The following RHOT1 variants were observed in gnomAD, a reference collection of about 807,000 sequenced individuals.
RHOT1 encodes ras homolog family member T1, also known as mitochondrial Rho GTPase 1.
In RHOT1, 27 loss-of-function variants were observed where a neutral mutation model predicts 95.3. The ratio of observed to expected loss-of-function variants is 0.28; its 90% confidence interval spans 0.21 to 0.39. The LOEUF (loss-of-function observed/expected upper bound fraction) is 0.39, where lower values mean the gene tolerates loss of function less well. Among genes scored for constraint, RHOT1 ranks in the 10% least tolerant of loss-of-function variants. The pLI is 1.00. For missense variants in RHOT1, 578 were observed against 786.7 expected, an observed-to-expected ratio of 0.73 and a Z score of 3.17; for synonymous variants, 227 against 263.5, an observed-to-expected ratio of 0.86 and a Z score of 1.34.
At chr17:32,175,785 C>T (rs2034956129) in intron 4 of RHOT1, among the ~76,000 whole-genome samples, 177 bp from the exon 5 acceptor site, 1 of 152,084 alleles carries the variant, frequency 6.6e-6, no homozygotes, top group Non-Finnish European at 1.5e-5. Context: ...TGTGTTTTTG[C>T]TTTAAGTCCT....
At chr17:32,210,587 C>T (rs1465019958) in intron 18 of RHOT1, among the ~76,000 whole-genome samples, 2 of 152,162 alleles carry the variant, frequency 1.3e-5, no homozygotes. Context: ...GAATTAAAGA[C>T]GTTGTTGTTC....
chr17:32,222,529 A>C (rs893483935), intron 19 of RHOT1, among the ~76,000 whole-genome samples: 1 of 151,878 alleles, frequency 6.6e-6, no homozygotes, highest in African/African-American at 2.4e-5. Context: ...CCTTGTCTGG[A>C]GTGGGTGTGT....
intron 1 of RHOT1, among the ~76,000 whole-genome samples, chr17:32,156,847 G>A (rs1168687961): frequency 6.6e-6 from 1 of 152,234 alleles, no homozygotes; most frequent in Non-Finnish European, 1.5e-5. Flanking sequence ...ACTGATCATT[G>A]TCATGACATT....
intron 1 of RHOT1, among the ~76,000 whole-genome samples, chr17:32,164,798 CA>C (rs2033894881): frequency 1.3e-5 from 2 of 151,840 alleles, no homozygotes; most frequent in Non-Finnish European, 2.9e-5. Flanking sequence ...CCTGGAAGGT[CA>C]AAACTTCAGT....
At chr17:32,180,928 T>G (rs2142644375) in intron 6 of RHOT1, among the ~76,000 whole-genome samples, 1 of 152,338 alleles carries the variant, frequency 6.6e-6, no homozygotes, top group Non-Finnish European at 1.5e-5. Flanking sequence ...CAAGCAGTCC[T>G]TCCGCCTTGG....
At chr17:32,204,632 A>T (rs1026718116) in intron 16 of RHOT1, among the ~76,000 whole-genome samples, 2 of 147,080 alleles carry the variant, frequency 1.4e-5, no homozygotes, top group African/African-American at 5.5e-5. Flanking sequence ...CATTTAAAAA[A>T]ATTAAAAAAA....
chr17:32,194,328 TG>T (rs1232829303), intron 11 of RHOT1, among the ~76,000 whole-genome samples: 1 of 152,208 alleles, frequency 6.6e-6, no homozygotes, highest in Non-Finnish European at 1.5e-5. Flanking sequence ...TTAGCACACA[TG>T]GGGAGGTGGG....
At chr17:32,144,370 A>T (rs1387819943) in intron 1 of RHOT1, among the ~76,000 whole-genome samples, 1 of 152,050 alleles carries the variant, frequency 6.6e-6, no homozygotes, top group Non-Finnish European at 1.5e-5. Flanking sequence ...CAACATGGTG[A>T]AACCCCGTCT....
chr17:32,218,863 C>T (rs1438617998), intron 19 of RHOT1, among the ~76,000 whole-genome samples: 1 of 152,152 alleles, frequency 6.6e-6, no homozygotes, highest in East Asian at 1.9e-4. Context: ...GTTTGGTGAC[C>T]TCAGTATAGT....
intron 8 of RHOT1, among the ~76,000 whole-genome samples, chr17:32,186,366 T>C (rs2036053066): frequency 6.8e-6 from 1 of 146,674 alleles, no homozygotes; most frequent in African/African-American, 2.5e-5. Context: ...CCTTTCCCAT[T>C]TTTTTTTTTT....
chr17:32,201,393 T>A (rs1193940596), intron 14 of RHOT1, among the ~76,000 whole-genome samples: 1 of 152,260 alleles, frequency 6.6e-6, no homozygotes, highest in Non-Finnish European at 1.5e-5. Context: ...CTGTTTTCTG[T>A]ATTAATACAG....
At chr17:32,167,419 C>T (rs959397779) in intron 1 of RHOT1, among the ~76,000 whole-genome samples, 6 of 152,022 alleles carry the variant, frequency 3.9e-5, no homozygotes, top group African/African-American at 1.2e-4. Context: ...CTCCGCCTCC[C>T]GGGTTCACAC....
At chr17:32,217,656 G>C (rs1385583584) in intron 19 of RHOT1, among the ~76,000 whole-genome samples, 1 of 151,162 alleles carries the variant, frequency 6.6e-6, no homozygotes, top group Admixed American at 6.6e-5. Flanking sequence ...TTGGGAGGCT[G>C]AGGCAGGAGA....
rs1321806731 is a variant in RHOT1 at position 32,192,906 on chromosome 17, C to T, written c.640-230C>T. Among the ~76,000 whole-genome samples, 3 of 152,010 alleles carry T rather than the reference C, an allele frequency of 2.0e-5. No individual in the cohort carries two copies. In the East Asian group the frequency reaches 5.8e-4, roughly 29 times the overall value. ...AGGGTGGACTCGATCTCCTCGTGAT[C>T]CGCCTGCCTCAGCCTCCCAAAGTGC... is the stretch of plus-strand genomic sequence containing the variant. On this transcript the variant is annotated intron_variant, in intron 9 of 19. Coordinates refer to ENST00000545287, the MANE Select transcript of RHOT1 (RefSeq NM_001033566.3).
At chr17:32,154,285 T>TAAAAAAA (rs539073195) in intron 1 of RHOT1, among the ~76,000 whole-genome samples, 9 of 124,826 alleles carry the variant, frequency 7.2e-5, no homozygotes, top group African/African-American at 2.5e-4. Context: ...TACGAGAAAT[T>TAAAAAAA]AAAAAAAAAA....
chr17:32,148,175 G>A (rs527336165), intron 1 of RHOT1, among the ~76,000 whole-genome samples: 2 of 152,170 alleles, frequency 1.3e-5, no homozygotes, highest in East Asian at 3.9e-4. Context: ...CGAGCCAGAA[G>A]AATGGCATGA....
At chr17:32,186,293 T>C (rs1042007376) in intron 8 of RHOT1, among the ~76,000 whole-genome samples, 1 of 152,172 alleles carries the variant, frequency 6.6e-6, no homozygotes, top group Non-Finnish European at 1.5e-5. Context: ...AATGATGTTG[T>C]GTAATTTTTC....
intron 19 of RHOT1, among the ~76,000 whole-genome samples, chr17:32,219,387 C>A (rs1426513845): frequency 6.6e-6 from 1 of 152,128 alleles, no homozygotes; most frequent in African/African-American, 2.4e-5. Flanking sequence ...TTCAGCCCCC[C>A]AAAGATCTGG....
intron 8 of RHOT1, among the ~76,000 whole-genome samples, chr17:32,190,905 C>T (rs2036442735): frequency 1.3e-5 from 2 of 152,152 alleles, no homozygotes; most frequent in South Asian, 2.1e-4. Flanking sequence ...AAGCGATTCT[C>T]CTGCCTCAGC....
Sources: gnomAD v4.1 joint callset for allele counts (sites outside exome capture counted in the v4.1 genomes callset) on GRCh38, gnomAD v4.1.1 for gene constraint, MANE v1.5 for transcripts, NCBI Gene and HGNC (gene_info 2026-07-23, HGNC 2026-07-21) for gene names.